MACROH2A2: variants seen among roughly 807,000 people sequenced by gnomAD.
MACROH2A2 encodes the protein core histone macro-H2A.2.
A neutral mutation model predicts 37.6 loss-of-function variants in MACROH2A2; 6 were observed. The observed-to-expected ratio is 0.16, with a 90% CI of 0.09 to 0.32. MACROH2A2 has a LOEUF of 0.32. Ranked by LOEUF, MACROH2A2 falls within the 10% of genes least tolerant of loss-of-function variation. MACROH2A2 has a pLI of 1.00. For missense variants in MACROH2A2, 290 were observed against 485.9 expected (o/e 0.60, Z 3.79); for synonymous variants, 192 against 202.7 (o/e 0.95, Z 0.45).
chr10:70,094,971 A>G (rs541713816), intron 5 of MACROH2A2, among the ~76,000 whole-genome samples: 2 of 152,170 alleles, frequency 1.3e-5, no homozygotes, highest in Non-Finnish European at 2.9e-5. Context: ...GAGAAGAGAG[A>G]GCAAGCCCTG....
chr10:70,105,429 G>C (rs1327005943), intron 7 of MACROH2A2, among the ~76,000 whole-genome samples: 1 of 152,198 alleles, frequency 6.6e-6, no homozygotes. Context: ...AGGGACAAAG[G>C]AGGATAGCCA....
intron 4 of MACROH2A2, 93 bp downstream of exon 4, chr10:70,092,047 C>A: frequency 1.0e-6 from 1 of 989,612 alleles, no homozygotes. Context: ...GAAACCTAAC[C>A]CCAGAGGCAT....
intron 2 of MACROH2A2, 148 bp from the exon 3 acceptor site, chr10:70,089,912 C>A: frequency 2.9e-6 from 2 of 680,642 alleles, no homozygotes; most frequent in Non-Finnish European, 5.3e-6. Context: ...AACTTGAGTT[C>A]TCTTACGCTT....
intron 7 of MACROH2A2, among the ~76,000 whole-genome samples, chr10:70,106,728 G>A (rs2072340008): frequency 6.7e-6 from 1 of 149,292 alleles, no homozygotes; most frequent in African/African-American, 2.5e-5. Context: ...GCTTGAACCC[G>A]AGAGGCAGAG....
At chr10:70,108,945 C>G (rs1304257025) in intron 7 of MACROH2A2, 88 bp from the exon 8 acceptor site, 2 of 1,191,750 alleles carry the variant, frequency 1.7e-6, no homozygotes, top group African/African-American at 2.9e-5. Flanking sequence ...TGCCTTATCT[C>G]CAGATCTAAC....
At position 70,053,566 on chromosome 10, in the gene MACROH2A2, C is replaced by T. The variant is rs1272246116; in HGVS notation, c.-60+566C>T. On this transcript the variant is annotated intron_variant, in intron 1 of 8. Transcript: ENST00000373255. This position sits in a 1 kb window ranked among gnomAD's most constrained non-coding sequence, Gnocchi z 4.8. ...CGGGCGGAGGTTAGGGACCCGAGTC[C>T]GGGGGCGGGCCGCGCCGGGGAAGGT... 6.6e-5 allele frequency among the ~76,000 whole-genome samples: 10 copies of T among 151,138 alleles called. No homozygotes were observed. The highest frequency in any genetic ancestry group is 5.3e-4 in the Admixed American group (8 of 15,190).
chr10:70,064,558 G>A (rs943386566), intron 1 of MACROH2A2, among the ~76,000 whole-genome samples: 35 of 151,940 alleles, frequency 2.3e-4, no homozygotes, highest in Non-Finnish European at 5.9e-5. Context: ...GTGTCTCCCA[G>A]AATTCCCACA....
intron 1 of MACROH2A2, among the ~76,000 whole-genome samples, chr10:70,066,382 T>A (rs2072079469): frequency 6.6e-6 from 1 of 152,074 alleles, no homozygotes; most frequent in East Asian, 1.9e-4. Flanking sequence ...AAGAGTTACA[T>A]CAGGTGGATA....
chr10:70,099,993 T>C (rs1364283964), intron 6 of MACROH2A2, among the ~76,000 whole-genome samples: 3 of 152,196 alleles, frequency 2.0e-5, no homozygotes, highest in African/African-American at 7.2e-5. Flanking sequence ...CCTTAAAATA[T>C]CCTTGGTAAA....
At chr10:70,060,242 C>T (rs745543180) in intron 1 of MACROH2A2, among the ~76,000 whole-genome samples, 27 of 151,982 alleles carry the variant, frequency 1.8e-4, no homozygotes, top group East Asian at 5.8e-4. Context: ...CAGTGGTGGG[C>T]GCCTATAATT....
intron 2 of MACROH2A2, among the ~76,000 whole-genome samples, chr10:70,085,646 C>G (rs1429858688): frequency 1.3e-5 from 2 of 152,128 alleles, no homozygotes; most frequent in Admixed American, 6.5e-5. Flanking sequence ...TTACAGCATC[C>G]CTTTTGGCTA....
At chr10:70,109,346 C>T in intron 8 of MACROH2A2, 139 bp downstream of exon 8, 1 of 713,432 alleles carries the variant, frequency 1.4e-6, no homozygotes, top group Non-Finnish European at 2.4e-6. Context: ...GGGCAGGAAA[C>T]CCGGTTTTCA....
chr10:70,108,659 A>G (rs2072351592), intron 7 of MACROH2A2, among the ~76,000 whole-genome samples: 1 of 152,176 alleles, frequency 6.6e-6, no homozygotes, highest in South Asian at 2.1e-4. Flanking sequence ...GGTTTCAGGG[A>G]GGAGGACGTG....
At position 70,075,459 on chromosome 10, in the gene MACROH2A2, C is replaced by G; in HGVS notation, c.-59-141C>G. On this transcript the variant is annotated intron_variant, in intron 1 of 8. Coordinates refer to ENST00000373255, the MANE Select transcript of MACROH2A2 (RefSeq NM_018649.3). This position sits in a 1 kb window ranked among gnomAD's most constrained non-coding sequence, Gnocchi z 5.0. Reference sequence around the variant, plus strand: ...AGACCCCATGCCTGACTCCGTGCCTCCTGCACCTGCAGTAGCAGCCAGATT... The same window carrying G: ...AGACCCCATGCCTGACTCCGTGCCTGCTGCACCTGCAGTAGCAGCCAGATT... The G allele has an allele frequency of 5.2e-6, 3 of 578,720 alleles. No individual in the cohort carries two copies. Among genetic ancestry groups the G allele is most frequent in the Non-Finnish European group, 9.3e-6 (3 of 323,464 alleles). 35.8% of individuals were successfully genotyped at this position (578,720 alleles called of 1,614,324 possible).
chr10:70,070,757 G>A (rs2072104442), intron 1 of MACROH2A2, among the ~76,000 whole-genome samples: 1 of 152,244 alleles, frequency 6.6e-6, no homozygotes, highest in Non-Finnish European at 1.5e-5. Context: ...CAAAATGTAG[G>A]GATTACAGGC....
intron 2 of MACROH2A2, among the ~76,000 whole-genome samples, chr10:70,077,935 G>C (rs7896632): frequency 0.42 from 63,241 of 151,894 alleles, 13,705 homozygotes; most frequent in East Asian, 0.55. Flanking sequence ...TGAGTTAACT[G>C]CAAGATCCCA....
Position 70,075,550 on chromosome 10 carries a change from A to G in MACROH2A2, c.-59-50A>G. On this transcript the variant is annotated intron_variant, in intron 1 of 8. Transcript: ENST00000373255. The surrounding 1 kb of genome is among the most constrained non-coding windows in gnomAD (Gnocchi z 5.0). ...GCCCAAGGGCCATGCCACTGTGCCC[A>G]AGATGTTTGCCAACTACCCTTCCTC... The G allele has an allele frequency of 9.1e-7, 1 of 1,093,624 alleles. No individual in the cohort carries two copies. Among genetic ancestry groups the G allele is most frequent in the East Asian group, 2.4e-5 (1 of 42,006 alleles). 67.7% of individuals were successfully genotyped at this position (1,093,624 alleles called of 1,614,324 possible).
In MACROH2A2 at chr10:70,091,492, G is replaced by A. The variant is rs2072244387; in HGVS notation, c.280-265G>A. ...GCCGTTCGAGACCAGCCTGGCCAACGTGGTGAAACCCTGTCTCTACTAAAA... is the reference window on the plus strand; with the variant it reads ...GCCGTTCGAGACCAGCCTGGCCAACATGGTGAAACCCTGTCTCTACTAAAA... On this transcript the variant is annotated intron_variant, in intron 3 of 8. Coordinates refer to ENST00000373255, the MANE Select transcript of MACROH2A2 (RefSeq NM_018649.3). 1.3e-5 allele frequency among the ~76,000 whole-genome samples: 2 copies of A among 152,082 alleles called. 1 individual carries two copies. Among genetic ancestry groups the A allele is most frequent in the South Asian group, 4.2e-4 (2 of 4,818 alleles).
intron 1 of MACROH2A2, among the ~76,000 whole-genome samples, chr10:70,073,809 T>A (rs1480152362): frequency 6.6e-6 from 1 of 152,216 alleles, no homozygotes; most frequent in African/African-American, 2.4e-5. Context: ...AACCAAGCAT[T>A]CATTTAATAT....
Sources: gnomAD v4.1 joint callset for allele counts (sites outside exome capture counted in the v4.1 genomes callset) on GRCh38, gnomAD v4.1.1 for gene constraint, Gnocchi (gnomAD v3.1) non-coding constraint, MANE v1.5 for transcripts, NCBI Gene and HGNC (gene_info 2026-07-23, HGNC 2026-07-21) for gene names.